TVP23A: variants seen among roughly 807,000 people sequenced by gnomAD.
The protein encoded by TVP23A is Golgi apparatus membrane protein TVP23 homolog A.
TVP23A carries 21 observed loss-of-function variants against 31.7 expected under a neutral mutation model. That is an observed-to-expected ratio of 0.66 (90% confidence interval 0.47 to 0.95). The LOEUF (loss-of-function observed/expected upper bound fraction) is 0.95. Ranked by LOEUF, TVP23A falls within the 40% of genes least tolerant of loss-of-function variation. The pLI, the probability that TVP23A is intolerant of heterozygous loss-of-function variation, is 0.00. For synonymous variants in TVP23A, 104 were observed against 96.0 expected (o/e 1.08, Z -0.49); for missense variants, 279 against 255.6 (o/e 1.09, Z -0.62).
intron 2 of TVP23A, among the ~76,000 whole-genome samples, chr16:10,810,414 G>A (rs533258996): frequency 1.3e-5 from 2 of 152,086 alleles, no homozygotes; most frequent in Admixed American, 6.6e-5. Flanking sequence ...AGGCGTGGTG[G>A]TGCATGCCTG....
At chr16:10,783,742 G>T (rs7188567) in intron 2 of TVP23A, among the ~76,000 whole-genome samples, 5,916 of 152,208 alleles carry the variant, frequency 0.039, 367 homozygotes, top group African/African-American at 0.14. Flanking sequence ...ACAACAGAAT[G>T]TTATTCAGCG....
intron 2 of TVP23A, among the ~76,000 whole-genome samples, chr16:10,813,467 A>T (rs780755918): frequency 7.9e-5 from 12 of 152,174 alleles, no homozygotes; most frequent in Non-Finnish European, 1.5e-4. Context: ...CCATTTGATA[A>T]TCCAATTAAT....
At chr16:10,772,467 T>G (rs1434381883) in intron 5 of TVP23A, among the ~76,000 whole-genome samples, 1 of 152,034 alleles carries the variant, frequency 6.6e-6, no homozygotes, top group Non-Finnish European at 1.5e-5. Flanking sequence ...CCTCCTGGGT[T>G]CAAGCGATTC....
At chr16:10,761,852 G>C, downstream of TVP23A, 1 of 1,613,054 alleles carries the variant, frequency 6.2e-7, no homozygotes, top group Non-Finnish European at 8.5e-7. Context: ...CCCTGGATCC[G>C]CTCATAGGTG....
intron 2 of TVP23A, among the ~76,000 whole-genome samples, chr16:10,798,010 C>T (rs1489987595): frequency 4.3e-5 from 6 of 140,058 alleles, no homozygotes; most frequent in Non-Finnish European, 7.5e-5. Flanking sequence ...GGCTGGAGTG[C>T]AGTGGCGCCA....
intron 5 of TVP23A, among the ~76,000 whole-genome samples, chr16:10,772,594 T>C (rs1235527779): frequency 6.6e-6 from 1 of 152,162 alleles, no homozygotes; most frequent in Non-Finnish European, 1.5e-5. Flanking sequence ...GGTCTCAAAC[T>C]CCTGACCTCA....
In TVP23A at chr16:10,796,178, T is replaced by C. The variant is rs28768186; in HGVS notation, c.90-21082A>G. Reference sequence around the variant, plus strand: ...ACCTGGGCAACATGGTGAAACCTCATCTCTCCAAAAATAATAATATAAAAA... The same window carrying C: ...ACCTGGGCAACATGGTGAAACCTCACCTCTCCAAAAATAATAATATAAAAA... On this transcript the variant is annotated intron_variant, in intron 2 of 7. Coordinates refer to ENST00000299866, the MANE Select transcript of TVP23A (RefSeq NM_001079512.4). Among the ~76,000 whole-genome samples, 250 of 151,880 alleles carry C rather than the reference T, an allele frequency of 1.6e-3. 1 individual carries two copies. Among genetic ancestry groups the C allele is most frequent in the African/African-American group, 5.7e-3 (238 of 41,418 alleles).
intron 2 of TVP23A, among the ~76,000 whole-genome samples, chr16:10,816,925 TCACACACACACACA>T (rs58142989): frequency 5.5e-5 from 8 of 145,796 alleles, no homozygotes; most frequent in South Asian, 2.3e-4. Context: ...CAGGGAAACT[TCACACACACACACA>T]CACACACACA....
rs142588450 is a variant in TVP23A, at chr16:10,792,965, C to G, written c.90-17869G>C. Among the ~76,000 whole-genome samples the G allele has an allele frequency of 2.0e-4, 31 of 152,242 alleles. No individual in the cohort carries two copies. The East Asian group carries it at 6.0e-3, about 29-fold the overall frequency. ...TCCCTCTGGTTGCCACAGTTTTTTC[C>G]TCTTGTTTCTGTTCTTTATTTCTTT... On this transcript the variant is annotated intron_variant, in intron 2 of 7. Transcript: ENST00000299866.
downstream of TVP23A, among the ~76,000 whole-genome samples, chr16:10,762,397 T>C (rs1284884315): frequency 6.6e-6 from 1 of 152,168 alleles, no homozygotes; most frequent in Non-Finnish European, 1.5e-5. Flanking sequence ...TCCCAAGAGA[T>C]GCCCACTCCC....
intron 2 of TVP23A, among the ~76,000 whole-genome samples, chr16:10,816,905 GAA>G (rs1047654847): frequency 7.0e-6 from 1 of 143,830 alleles, no homozygotes; most frequent in African/African-American, 2.6e-5. Context: ...TAAAAAAAAA[GAA>G]AGAGGCACAG....
chr16:10,774,103 C>G lies in TVP23A; in HGVS notation c.260G>C (p.Gly87Ala). The change falls in exon 4 of 8, where the codon GGC becomes GCC. Residue 87 changes from glycine (G) to alanine (A), a missense_variant. Transcript: ENST00000299866. ...VKNVTGRLLV[G>A]LRWWNQIDED... ...ATCTATCTGGTTCCACCATCGAAGG[C>G]CCACCAGGAGTCTTCCGGTTACATT... is the stretch of plus-strand genomic sequence containing the variant. 2 of 1,610,966 alleles carry G rather than the reference C, an allele frequency of 1.2e-6. No homozygotes were observed. Among genetic ancestry groups the G allele is most frequent in the Non-Finnish European group, 1.7e-6 (2 of 1,178,668 alleles).
intron 2 of TVP23A, among the ~76,000 whole-genome samples, chr16:10,807,644 C>T (rs1279604398): frequency 2.0e-5 from 3 of 152,144 alleles, no homozygotes; most frequent in Non-Finnish European, 4.4e-5. Context: ...AATGATCTGC[C>T]TCAAATATCC....
At chr16:10,789,283 C>T (rs1407630563) in intron 2 of TVP23A, among the ~76,000 whole-genome samples, 1 of 152,112 alleles carries the variant, frequency 6.6e-6, no homozygotes, top group Non-Finnish European at 1.5e-5. Context: ...AGGGGGTTCT[C>T]AACAGAGTGC....
At chr16:10,797,594 G>A (rs2033457772) in intron 2 of TVP23A, among the ~76,000 whole-genome samples, 1 of 151,866 alleles carries the variant, frequency 6.6e-6, no homozygotes, top group African/African-American at 2.4e-5. Flanking sequence ...AGCCAGGCGT[G>A]GTAGTGCGCA....
intron 2 of TVP23A, among the ~76,000 whole-genome samples, chr16:10,786,561 C>G (rs960880030): frequency 6.6e-6 from 1 of 152,134 alleles, no homozygotes; most frequent in African/African-American, 2.4e-5. Flanking sequence ...TGGAAACCTT[C>G]CTGCTTCTCA....
chr16:10,765,089 A>G (rs1468988826), downstream of TVP23A: 1 of 153,854 alleles, frequency 6.5e-6, no homozygotes, highest in African/African-American at 2.4e-5. This position sits in a 1 kb window ranked among gnomAD's most constrained non-coding sequence, Gnocchi z 4.0. Context: ...CATTGCCTCA[A>G]CACAAACGTG....
chr16:10,758,053 G>C, downstream of TVP23A: 2 of 1,608,508 alleles, frequency 1.2e-6, no homozygotes, highest in East Asian at 2.2e-5. Context: ...GCTGGAGCTG[G>C]GTCCAAACTG....
At chr16:10,782,980 C>G (rs1045857019) in intron 2 of TVP23A, among the ~76,000 whole-genome samples, 3 of 152,148 alleles carry the variant, frequency 2.0e-5, no homozygotes, top group African/African-American at 7.2e-5. Context: ...ACCTGCTCCC[C>G]AAACCCACAC....
Sources: allele counts gnomAD v4.1 joint callset (sites outside exome capture counted in the v4.1 genomes callset), GRCh38; gene constraint gnomAD v4.1.1; non-coding constraint Gnocchi (gnomAD v3.1); transcripts MANE v1.5; gene names NCBI Gene and HGNC (gene_info 2026-07-23, HGNC 2026-07-21).